The following PRSS23 variants were observed in gnomAD, a reference collection of about 807,000 sequenced individuals.
The protein encoded by PRSS23 is serine protease 23, also known as protease, serine 23.
A neutral mutation model predicts 34.7 loss-of-function variants in PRSS23; 25 were observed. That is an observed-to-expected ratio of 0.72 (90% confidence interval 0.53 to 1.01). The LOEUF (loss-of-function observed/expected upper bound fraction) is 1.01. PRSS23 is among the 50% of genes least tolerant of loss of function. The probability of loss-of-function intolerance (pLI) is 0.00; values close to 1 mark genes in which losing one functional copy is unlikely to be tolerated. For synonymous variants in PRSS23, 176 were observed against 186.6 expected (o/e 0.94, Z 0.46); for missense variants, 445 against 475.6 (o/e 0.94, Z 0.60).
At chr11:86,845,655 G>A (rs1261160890) in intron 2 of PRSS23, among the ~76,000 whole-genome samples, 1 of 152,130 alleles carries the variant, frequency 6.6e-6, no homozygotes, top group Admixed American at 6.5e-5. Flanking sequence ...TAATATTGAA[G>A]ATATATGCTT....
chr11:86,796,640 C>CAAAA (rs10543755), upstream of PRSS23, among the ~76,000 whole-genome samples: 45 of 80,304 alleles, frequency 5.6e-4, no homozygotes, highest in Non-Finnish European at 6.5e-4. Context: ...GACTCCGTCT[C>CAAAA]AAAAAAAAAA....
At chr11:86,849,705 A>C (rs540579918) in intron 2 of PRSS23, among the ~76,000 whole-genome samples, 2 of 152,180 alleles carry the variant, frequency 1.3e-5, no homozygotes, top group African/African-American at 4.8e-5. Flanking sequence ...CTCAGAATCA[A>C]TGAGGCAGTA....
chr11:86,817,477 A>G (rs900055870), intron 1 of PRSS23, among the ~76,000 whole-genome samples: 2 of 152,200 alleles, frequency 1.3e-5, no homozygotes, highest in Admixed American at 6.5e-5. Context: ...TTTTATTGAA[A>G]TACCTCTATT....
At chr11:86,922,107 G>T (rs1949050755) in intron 2 of PRSS23, 1 of 152,158 alleles carries the variant, frequency 6.6e-6, no homozygotes, top group Non-Finnish European at 1.5e-5. Flanking sequence ...ACCTGGAATG[G>T]AAAGTTATTA....
chr11:86,931,974 G>C (rs373575049), intron 2 of PRSS23, among the ~76,000 whole-genome samples: 71 of 152,304 alleles, frequency 4.7e-4, no homozygotes, highest in African/African-American at 1.7e-3. Context: ...AAAACTTCAT[G>C]CAAACCATGA....
exon 3 of PRSS23, chr11:86,951,370 C>A: frequency 6.2e-7 from 1 of 1,613,970 alleles, no homozygotes; most frequent in Non-Finnish European, 8.5e-7. Context: ...GAAAAAGTGC[C>A]CAGTTGGAGA....
downstream of PRSS23, among the ~76,000 whole-genome samples, chr11:86,813,896 C>T (rs1948197307): frequency 1.3e-5 from 2 of 152,050 alleles, no homozygotes; most frequent in Admixed American, 1.3e-4. Context: ...ATGGCAGTGA[C>T]TTTGACTTTG....
At chr11:86,830,623 C>T (rs532473051) in intron 2 of PRSS23, among the ~76,000 whole-genome samples, 13 of 152,178 alleles carry the variant, frequency 8.5e-5, no homozygotes, top group African/African-American at 1.7e-4. Context: ...TGTTCCTATT[C>T]GGCCATCTTG....
At chr11:86,833,283 C>T (rs549981360) in intron 2 of PRSS23, 141 of 1,563,496 alleles carry the variant, frequency 9.0e-5, no homozygotes, top group Middle Eastern at 6.8e-4. Flanking sequence ...GGAAGAAGTA[C>T]ATGGGGGTGT....
chr11:86,808,883 CGTGTG>C lies in PRSS23; in HGVS notation c.*89_*93del. The C allele has an allele frequency of 1.1e-6, 1 of 887,446 alleles. No individual in the cohort carries two copies. Among genetic ancestry groups the C allele is most frequent in the South Asian group, 1.7e-5 (1 of 60,546 alleles). 55.0% of individuals were successfully genotyped at this position (887,446 alleles called of 1,614,324 possible). A position where few individuals can be genotyped will look rare whatever the true frequency, so the allele number is the denominator to read the frequency against. On this transcript the variant is annotated 3_prime_UTR_variant, in exon 2 of 2. Coordinates refer to ENST00000280258, the MANE Select transcript of PRSS23 (RefSeq NM_007173.6). ...TTGTTTTTTGTCATTGGCGTGCACA[CGTGTG>C]TGTGTGTGTGTGTGTGTGTGTAAGG...
chr11:86,808,586 G>T lies in PRSS23; in HGVS notation c.943G>T (p.Ala315Ser). ...CCAGCAATGCGATGCCCAGCCAGGG[G>T]CCAGCGGGTCTGGGGTCTATGTGAG... ...LYQQCDAQPGASGSGVYVRMW... is the reference protein window; with the variant it reads ...LYQQCDAQPGSSGSGVYVRMW... Residue 315 changes from alanine (A) to serine (S), a missense_variant, in exon 2 of 2, where the codon GCC (alanine) becomes TCC (serine). Transcript: ENST00000280258. 6.2e-7 allele frequency: 1 copy of T among 1,614,204 alleles called. No homozygotes were observed. Among genetic ancestry groups the T allele is most frequent in the Middle Eastern group, 1.6e-4 (1 of 6,062 alleles).
At chr11:86,826,043 G>A (rs1948297922) in intron 2 of PRSS23, among the ~76,000 whole-genome samples, 1 of 152,128 alleles carries the variant, frequency 6.6e-6, no homozygotes, top group Non-Finnish European at 1.5e-5. Flanking sequence ...TGATGGGGAT[G>A]GCATTGAATC....
intron 1 of PRSS23, among the ~76,000 whole-genome samples, chr11:86,818,836 A>G (rs1379318514): frequency 6.6e-6 from 1 of 152,210 alleles, no homozygotes; most frequent in Non-Finnish European, 1.5e-5. Context: ...AGTGGCACAA[A>G]CGCTTAGTGT....
chr11:86,926,542 T>TGGCTG (rs1324792776), intron 2 of PRSS23, among the ~76,000 whole-genome samples: 3 of 152,172 alleles, frequency 2.0e-5, no homozygotes, highest in African/African-American at 7.2e-5. Flanking sequence ...GCGGGAAGTG[T>TGGCTG]GGCTGAGCTT....
At chr11:86,862,463 G>T (rs1948622884) in intron 2 of PRSS23, among the ~76,000 whole-genome samples, 1 of 151,844 alleles carries the variant, frequency 6.6e-6, no homozygotes. Flanking sequence ...CTAGGAGGAT[G>T]TTACTCCTAA....
At chr11:86,797,766 G>A (rs1947990664), upstream of PRSS23, among the ~76,000 whole-genome samples, 1 of 152,184 alleles carries the variant, frequency 6.6e-6, no homozygotes, top group Admixed American at 6.5e-5. Context: ...TTTATTAAGG[G>A]CTTGTTCCAT....
intron 2 of PRSS23, among the ~76,000 whole-genome samples, chr11:86,878,415 G>A (rs913737786): frequency 5.1e-4 from 77 of 152,234 alleles, no homozygotes; most frequent in African/African-American, 1.7e-3. Context: ...GGCGCGCGCC[G>A]CCACGCCTGA....
intron 2 of PRSS23, among the ~76,000 whole-genome samples, chr11:86,886,753 A>G (rs1454205690): frequency 6.6e-6 from 1 of 152,154 alleles, no homozygotes; most frequent in Admixed American, 6.5e-5. Flanking sequence ...AGCCTGGCCA[A>G]CATGGCAAAA....
intron 2 of PRSS23, among the ~76,000 whole-genome samples, chr11:86,873,051 G>A (rs563094926): frequency 6.6e-6 from 1 of 152,056 alleles, no homozygotes; most frequent in Admixed American, 6.6e-5. Flanking sequence ...AAGTCTGGCT[G>A]ATCCTCCACT....
Sources: allele counts gnomAD v4.1 joint callset (sites outside exome capture counted in the v4.1 genomes callset), GRCh38; gene constraint gnomAD v4.1.1; transcripts MANE v1.5; gene names NCBI Gene and HGNC (gene_info 2026-07-23, HGNC 2026-07-21).